NXPE4: variants seen among roughly 807,000 people sequenced by gnomAD.
NXPE4 encodes the protein neurexophilin and PC-esterase domain family member 4, also known as NXPE family member 4.
A neutral mutation model predicts 33.3 loss-of-function variants in NXPE4; 42 were observed. The observed-to-expected ratio is 1.26, with a 90% CI of 0.98 to 1.63. The LOEUF (loss-of-function observed/expected upper bound fraction) is 1.63. NXPE4 is among the 40% of genes most tolerant of loss of function. The pLI is 0.00. For synonymous variants in NXPE4, 253 were observed against 234.9 expected (o/e 1.08, Z -0.71); for missense variants, 709 against 647.6 (o/e 1.09, Z -1.03).
intron 2 of NXPE4, chr11:114,584,182 G>A (rs563551748): frequency 1.2e-5 from 4 of 331,444 alleles, no homozygotes; most frequent in Non-Finnish European, 2.4e-5. Context: ...ATGTTGCTCA[G>A]TGCCCTGGAA....
At chr11:114,631,693 C>T in the NXPE4 span, among the ~76,000 whole-genome samples, 5 of 151,282 alleles carry the variant, frequency 3.3e-5, no homozygotes, top group East Asian at 1.9e-4. Flanking sequence ...AGTATTGCCT[C>T]GTGGGTAACC....
chr11:114,579,291 C>T (rs1267041580), intron 5 of NXPE4, among the ~76,000 whole-genome samples: 1 of 152,174 alleles, frequency 6.6e-6, no homozygotes, highest in Non-Finnish European at 1.5e-5. Context: ...ATGAGAGATC[C>T]ACCTCCGTGA....
At chr11:114,579,484 A>C (rs995469132) in intron 5 of NXPE4, among the ~76,000 whole-genome samples, 1 of 152,196 alleles carries the variant, frequency 6.6e-6, no homozygotes, top group African/African-American at 2.4e-5. Flanking sequence ...CATAGCCTAG[A>C]TCTGTTAGAC....
At chr11:114,637,201 C>T in the NXPE4 span, among the ~76,000 whole-genome samples, 6 of 151,718 alleles carry the variant, frequency 4.0e-5, no homozygotes, top group African/African-American at 1.5e-4. Flanking sequence ...TGAGTTGATC[C>T]CTTTACCATT....
upstream of NXPE4, among the ~76,000 whole-genome samples, chr11:114,598,794 A>T (rs1949606882): frequency 6.6e-6 from 1 of 151,720 alleles, no homozygotes. Flanking sequence ...CAGGTCTGTG[A>T]TGGGAGAGGC....
chr11:114,676,176 T>A, the NXPE4 span, among the ~76,000 whole-genome samples: 1 of 151,836 alleles, frequency 6.6e-6, no homozygotes, highest in African/African-American at 2.4e-5. Flanking sequence ...GAAAAATCTC[T>A]TTGATATTGG....
intron 2 of NXPE4, among the ~76,000 whole-genome samples, chr11:114,585,781 A>G (rs917878828): frequency 1.3e-5 from 2 of 152,184 alleles, no homozygotes; most frequent in African/African-American, 4.8e-5. Flanking sequence ...AACAAAGAGC[A>G]GCCTGAAAAA....
the NXPE4 span, among the ~76,000 whole-genome samples, chr11:114,621,517 G>A: frequency 4.6e-5 from 7 of 151,812 alleles, no homozygotes; most frequent in East Asian, 1.9e-4. Context: ...GTATTGCCTC[G>A]TGTGTAACCA....
chr11:114,607,539 T>TAGATAATA, the NXPE4 span, among the ~76,000 whole-genome samples: 4 of 152,140 alleles, frequency 2.6e-5, no homozygotes, highest in African/African-American at 9.6e-5. Context: ...TGTTACCCGG[T>TAGATAATA]AGATAATAAG....
the NXPE4 span, among the ~76,000 whole-genome samples, chr11:114,639,904 T>C: frequency 1.3e-4 from 15 of 115,310 alleles, no homozygotes; most frequent in Non-Finnish European, 2.1e-4. Context: ...TTATATTAAA[T>C]ATAAAATATA....
chr11:114,612,227 G>T, the NXPE4 span, among the ~76,000 whole-genome samples: 3 of 151,940 alleles, frequency 2.0e-5, no homozygotes, highest in Admixed American at 1.3e-4. Context: ...TGCCTCTATG[G>T]TAACCACTGT....
In NXPE4 at chr11:114,585,890, A is replaced by G. The variant is rs556145250; in HGVS notation, c.97-2869T>C. Among the ~76,000 whole-genome samples the G allele has an allele frequency of 1.1e-3, 165 of 152,302 alleles. 1 individual carries two copies. The highest frequency in any genetic ancestry group is 3.7e-3 in the African/African-American group (154 of 41,562). ...GGCTACCTGAGGGCCAGGCATGTTC[A>G]ACATGGAGGCTCCATCTTCCCTTTT... is the stretch of plus-strand genomic sequence containing the variant. On this transcript the variant is annotated intron_variant, in intron 2 of 5. Transcript: ENST00000375478.
chr11:114,662,844 C>A, the NXPE4 span, among the ~76,000 whole-genome samples: 26 of 152,280 alleles, frequency 1.7e-4, no homozygotes, highest in East Asian at 4.8e-3. Context: ...GTCCTGGCAA[C>A]AGTTATCACC....
intron 2 of NXPE4, chr11:114,584,497 C>G (rs1238316841): frequency 1.1e-5 from 2 of 183,580 alleles, no homozygotes; most frequent in Non-Finnish European, 2.3e-5. Context: ...AGATGAATTA[C>G]CTGTGAGGAA....
intron 2 of NXPE4, chr11:114,583,651 G>A (rs1287259428): frequency 1.7e-6 from 1 of 588,442 alleles, no homozygotes; most frequent in Non-Finnish European, 3.4e-6. Flanking sequence ...ACACTGCTGT[G>A]AATTGGGCTG....
At chr11:114,587,560 A>G (rs937694629) in intron 2 of NXPE4, among the ~76,000 whole-genome samples, 9 of 152,202 alleles carry the variant, frequency 5.9e-5, no homozygotes, top group Admixed American at 1.3e-4. Flanking sequence ...GGTGAGCATG[A>G]CTAATCCCAA....
At chr11:114,634,779 T>A in the NXPE4 span, among the ~76,000 whole-genome samples, 4 of 152,052 alleles carry the variant, frequency 2.6e-5, no homozygotes, top group African/African-American at 9.7e-5. Flanking sequence ...GTTGTAGATA[T>A]GTGGCATTAT....
At chr11:114,657,532 A>C in the NXPE4 span, among the ~76,000 whole-genome samples, 27 of 152,312 alleles carry the variant, frequency 1.8e-4, no homozygotes, top group South Asian at 5.6e-3. Context: ...CACTACTTTG[A>C]AATTATAGCA....
At chr11:114,668,882 G>A in the NXPE4 span, among the ~76,000 whole-genome samples, 1 of 151,926 alleles carries the variant, frequency 6.6e-6, no homozygotes, top group Non-Finnish European at 1.5e-5. Flanking sequence ...GCAACCAAAG[G>A]TATACAATAA....
Sources: allele counts gnomAD v4.1 joint callset (sites outside exome capture counted in the v4.1 genomes callset), GRCh38; gene constraint gnomAD v4.1.1; transcripts MANE v1.5; gene names NCBI Gene and HGNC (gene_info 2026-07-23, HGNC 2026-07-21).